CADPS2: variants seen among roughly 807,000 people sequenced by gnomAD.
The protein encoded by CADPS2 is calcium-dependent secretion activator 2.
CADPS2 carries 93 observed loss-of-function variants against 172.5 expected under a neutral mutation model. The ratio of observed to expected loss-of-function variants is 0.54; its 90% CI spans 0.46 to 0.64. CADPS2 has a LOEUF of 0.64. Among genes scored for constraint, CADPS2 ranks in the 30% least tolerant of loss-of-function variants. CADPS2 has a pLI of 0.00. For synonymous variants in CADPS2, 546 were observed against 555.2 expected, an observed-to-expected ratio of 0.98 and a Z score of 0.23; for missense variants, 1,420 against 1,565.9, an observed-to-expected ratio of 0.91 and a Z score of 1.57.
intron 28 of CADPS2, among the ~76,000 whole-genome samples, chr7:122,327,764 T>A (rs1240468728): frequency 6.6e-6 from 1 of 151,742 alleles, no homozygotes; most frequent in African/African-American, 2.4e-5. Context: ...TAGAGAAAAA[T>A]AATCTTAGAG....
At chr7:122,552,157 T>C (rs1306288019) in intron 8 of CADPS2, among the ~76,000 whole-genome samples, 1 of 152,152 alleles carries the variant, frequency 6.6e-6, no homozygotes, top group Admixed American at 6.6e-5. Flanking sequence ...TCTTCTAATA[T>C]TAGTATTAAA....
intron 1 of CADPS2, among the ~76,000 whole-genome samples, chr7:122,838,766 A>G (rs1179046245): frequency 6.6e-6 from 1 of 152,216 alleles, no homozygotes; most frequent in Non-Finnish European, 1.5e-5. Flanking sequence ...CCACTGCTCA[A>G]CGAAATAAAA....
chr7:122,441,878 C>T (rs999533396), intron 15 of CADPS2, among the ~76,000 whole-genome samples: 5 of 152,156 alleles, frequency 3.3e-5, no homozygotes, highest in Non-Finnish European at 7.4e-5. Context: ...CGATAATATG[C>T]ATTCTGCAAT....
intron 5 of CADPS2, among the ~76,000 whole-genome samples, chr7:122,620,295 AAATC>A (rs1183281812): frequency 6.6e-6 from 1 of 152,204 alleles, no homozygotes; most frequent in East Asian, 1.9e-4. Context: ...CACGGAATAA[AAATC>A]ATGGGGAGGG....
At chr7:122,416,303 A>C in intron 17 of CADPS2, 139 bp from the exon 18 acceptor site, 1 of 469,714 alleles carries the variant, frequency 2.1e-6, no homozygotes, top group Non-Finnish European at 3.8e-6. Flanking sequence ...AGACAAAAAA[A>C]AAAAAACAGT....
chr7:122,578,184 A>G lies in CADPS2; in HGVS notation c.1335+2995T>C, dbSNP rs540330774. Among the ~76,000 whole-genome samples, 250 of 151,858 alleles carry G rather than the reference A, an allele frequency of 1.6e-3. 2 individuals are homozygous for G. The highest frequency in any genetic ancestry group is 4.3e-3 in the Admixed American group (66 of 15,228). On this transcript the variant is annotated intron_variant, in intron 7 of 29. Transcript: ENST00000449022. ...ATACACACATACATTATGTATACCA[A>G]CAATATACATTATTGGTAATGTGTG...
chr7:122,331,081 A>T (rs945938679), intron 28 of CADPS2: 1 of 152,180 alleles, frequency 6.6e-6, no homozygotes, highest in Non-Finnish European at 1.5e-5. Context: ...CTGTTTTTAT[A>T]TGTTGCTTCA....
chr7:122,543,446 T>C (rs2063304422), intron 8 of CADPS2, among the ~76,000 whole-genome samples: 2 of 152,086 alleles, frequency 1.3e-5, no homozygotes, highest in African/African-American at 4.8e-5. Flanking sequence ...GTCTGACACA[T>C]AGTCTCAATA....
intron 3 of CADPS2, among the ~76,000 whole-genome samples, chr7:122,632,111 G>A (rs1011202142): frequency 1.3e-5 from 2 of 151,858 alleles, no homozygotes; most frequent in Admixed American, 1.3e-4. Flanking sequence ...ACCATTAATG[G>A]GCACCTATGT....
intron 20 of CADPS2, among the ~76,000 whole-genome samples, chr7:122,399,723 G>A (rs1486770189): frequency 9.1e-6 from 1 of 110,054 alleles, no homozygotes; most frequent in East Asian, 2.8e-4. Flanking sequence ...GTCTCGCTCT[G>A]TCACCAAGTC....
chr7:122,885,258 G>A (rs1412006741), intron 1 of CADPS2, among the ~76,000 whole-genome samples: 1 of 152,048 alleles, frequency 6.6e-6, no homozygotes, highest in Admixed American at 6.5e-5. Flanking sequence ...ACCTTTTGGG[G>A]GAGAATAAGC....
intron 2 of CADPS2, chr7:122,676,834 C>A: frequency 1.7e-6 from 1 of 602,314 alleles, no homozygotes; most frequent in Non-Finnish European, 2.8e-6. Context: ...TGCTTGGTGA[C>A]AGTATTTTTT....
chr7:122,532,485 A>T (rs947874591), intron 8 of CADPS2, among the ~76,000 whole-genome samples: 3 of 152,160 alleles, frequency 2.0e-5, no homozygotes, highest in African/African-American at 7.2e-5. Context: ...AAAATCTTAC[A>T]TGGACAGCTT....
Position 122,882,617 on chromosome 7 carries a change from CT to C in CADPS2, c.339+3381del, listed in dbSNP as rs35781696. Among the ~76,000 whole-genome samples, 724 of 136,796 alleles carry C rather than the reference CT, an allele frequency of 5.3e-3. 3 individuals are homozygous for C. Among genetic ancestry groups the C allele is most frequent in the African/African-American group, 8.7e-3 (320 of 36,770 alleles). The allele number at this position is 136,796 out of a possible 152,430, so 89.7% of individuals were successfully genotyped here. A position where few individuals can be genotyped will look rare whatever the true frequency, so the allele number is the denominator to read the frequency against. ...CTAACTTTCAAACCACCAAGGAACC[CT>C]TTTTTTTTTTTTTTTTACTTTCTCC... On this transcript the variant is annotated intron_variant, in intron 1 of 29. Transcript: ENST00000449022.
intron 29 of CADPS2, among the ~76,000 whole-genome samples, chr7:122,323,439 T>C (rs962969227): frequency 2.0e-5 from 3 of 152,158 alleles, no homozygotes; most frequent in South Asian, 4.1e-4. Flanking sequence ...TGTTCTTTTA[T>C]GCTAAAATAT....
chr7:122,370,046 C>G (rs1394019733), intron 25 of CADPS2, among the ~76,000 whole-genome samples: 1 of 152,170 alleles, frequency 6.6e-6, no homozygotes, highest in Admixed American at 6.5e-5. Flanking sequence ...CTGGTTTCTG[C>G]AGTTTCTCTT....
At chr7:122,442,472 C>T (rs1410294613) in intron 15 of CADPS2, among the ~76,000 whole-genome samples, 2 of 152,128 alleles carry the variant, frequency 1.3e-5, no homozygotes, top group African/African-American at 4.8e-5. Flanking sequence ...TAGAAATCTG[C>T]AAACTAATAA....
rs1348361425 is a variant in CADPS2 at position 122,544,988 on chromosome 7, T to C, written c.1475+9562A>G. Among the ~76,000 whole-genome samples the C allele has an allele frequency of 2.6e-5, 4 of 152,088 alleles. No individual in the cohort carries two copies. In the East Asian group the frequency reaches 7.7e-4, roughly 29 times the overall value. Reference sequence around the variant, plus strand: ...AGACAGCCAGAAAAAAGGAAGAAAGTCCATTCTTCTGGTGTCTGTAGGCTG... The same window carrying C: ...AGACAGCCAGAAAAAAGGAAGAAAGCCCATTCTTCTGGTGTCTGTAGGCTG... On this transcript the variant is annotated intron_variant, in intron 8 of 29. Transcript: ENST00000449022.
chr7:122,369,131 C>T (rs188332880), intron 25 of CADPS2, among the ~76,000 whole-genome samples: 5 of 39,866 alleles, frequency 1.3e-4, no homozygotes, highest in Admixed American at 6.3e-4. Context: ...TTTGTTTCCC[C>T]CCCCCCCCCC....
Sources: allele counts gnomAD v4.1 joint callset (sites outside exome capture counted in the v4.1 genomes callset), GRCh38; gene constraint gnomAD v4.1.1; transcripts MANE v1.5; gene names NCBI Gene and HGNC (gene_info 2026-07-23, HGNC 2026-07-21).